CYFIP2: variants seen among roughly 807,000 people sequenced by gnomAD.
CYFIP2 encodes the protein cytoplasmic FMR1-interacting protein 2.
Under a neutral mutation model 158.7 loss-of-function variants are expected in CYFIP2, and 29 were observed. The ratio of observed to expected loss-of-function variants is 0.18; its 90% CI spans 0.14 to 0.25. The LOEUF is 0.25. Among genes scored for constraint, CYFIP2 ranks in the 10% least tolerant of loss-of-function variants. The probability of loss-of-function intolerance (pLI) is 1.00; values close to 1 mark genes in which losing one functional copy is unlikely to be tolerated. For synonymous variants in CYFIP2, 585 were observed against 617.6 expected (o/e 0.95, Z 0.78); for missense variants, 852 against 1,639.5 (o/e 0.52, Z 8.29).
rs1399761182 is a variant in CYFIP2, at chr5:157,285,340, G to T, written c.-22G>T. The T allele has an allele frequency of 1.9e-6, 3 of 1,548,160 alleles. No individual in the cohort carries two copies. The Admixed American group carries it at 5.9e-5, about 30-fold the overall frequency. ...TGACCTTCTCTTCCTTCCCTTCAGTGCAGAATACAGAAACTGCAGCCATGA... is the reference window on the plus strand; with the variant it reads ...TGACCTTCTCTTCCTTCCCTTCAGTTCAGAATACAGAAACTGCAGCCATGA... On this transcript the variant is annotated splice_region_variant and 5_prime_UTR_variant, in exon 2 of 31. Coordinates refer to ENST00000620254, the MANE Select transcript of CYFIP2 (RefSeq NM_001037333.3).
intron 23 of CYFIP2, among the ~76,000 whole-genome samples, chr5:157,346,572 A>T (rs1330947632): frequency 6.6e-6 from 1 of 152,150 alleles, no homozygotes; most frequent in African/African-American, 2.4e-5. Flanking sequence ...GCAAGGAAAC[A>T]TTCTCCCCTA....
chr5:157,309,416 G>A (rs953290507), intron 9 of CYFIP2, among the ~76,000 whole-genome samples: 2 of 152,190 alleles, frequency 1.3e-5, no homozygotes, highest in African/African-American at 4.8e-5. Context: ...GGGAAGATTC[G>A]AGTGGAAAGG....
chr5:157,286,704 C>T (rs140664966), intron 2 of CYFIP2, among the ~76,000 whole-genome samples: 5 of 152,118 alleles, frequency 3.3e-5, no homozygotes, highest in African/African-American at 9.6e-5. Context: ...CTGGAACTGC[C>T]GAATCAAAGC....
chr5:157,353,602 A>C (rs1401702643), intron 23 of CYFIP2, among the ~76,000 whole-genome samples: 1 of 152,222 alleles, frequency 6.6e-6, no homozygotes, highest in African/African-American at 2.4e-5. Context: ...AGAATTGATC[A>C]GTCCTTGGCA....
At chr5:157,332,497 AT>A (rs1485528275) in intron 20 of CYFIP2, among the ~76,000 whole-genome samples, 18 of 152,246 alleles carry the variant, frequency 1.2e-4, no homozygotes, top group African/African-American at 4.3e-4. Context: ...ACGTTGTCTT[AT>A]AAAAACAGAA....
intron 11 of CYFIP2, among the ~76,000 whole-genome samples, chr5:157,312,896 A>T (rs547694545): frequency 1.1e-3 from 170 of 152,204 alleles, no homozygotes; most frequent in Non-Finnish European, 1.9e-3. Context: ...TTTCTTTTTT[A>T]AAAATAGATC....
intron 16 of CYFIP2, 29 bp from the exon 17 acceptor site, chr5:157,325,453 A>G: frequency 6.4e-7 from 1 of 1,571,454 alleles, no homozygotes. Context: ...TCTAAAAGTA[A>G]CCAAAGGCTC....
rs1005995318 is a variant in CYFIP2 at position 157,343,438 on chromosome 5, C to T, written c.2673+2281C>T. The T allele has an allele frequency of 3.7e-6, 6 of 1,613,968 alleles. No homozygotes were observed. In the Admixed American group the frequency reaches 8.3e-5, roughly 22 times the overall value. On this transcript the variant is annotated intron_variant, in intron 23 of 30. Coordinates refer to ENST00000620254, the MANE Select transcript of CYFIP2 (RefSeq NM_001037333.3). ...CAGAGAAGATGCTGTTCCAGTTGGG[C>T]CTGTACATAATATGGTAATAGTCCT...
At position 157,390,502 on chromosome 5, in the gene CYFIP2, T is replaced by A; in HGVS notation, c.3447-19T>A. 1 of 1,424,184 alleles carries A rather than the reference T, an allele frequency of 7.0e-7. No individual in the cohort carries two copies. Among genetic ancestry groups the A allele is most frequent in the East Asian group, 3.1e-5 (1 of 32,592 alleles). 88.2% of individuals were successfully genotyped at this position (1,424,184 alleles called of 1,614,324 possible). A position where few individuals can be genotyped will look rare whatever the true frequency, so the allele number is the denominator to read the frequency against. Reference sequence around the variant, plus strand: ...TCCCCCGACCTCTCACTCCAGCTGCTTCCTCCCCCTGCTCCCAGGCAGTGT... The same window carrying A: ...TCCCCCGACCTCTCACTCCAGCTGCATCCTCCCCCTGCTCCCAGGCAGTGT... On this transcript the variant is annotated intron_variant, in intron 29 of 30. Transcript: ENST00000620254.
In CYFIP2 at chr5:157,323,983, C is replaced by G. The variant is rs1170997431; in HGVS notation, c.1734C>G (p.Thr578=). The change falls in exon 16 of 31, where the codon ACC becomes ACG. Residue 578 remains threonine (T), a synonymous_variant. Coordinates refer to ENST00000620254, the MANE Select transcript of CYFIP2 (RefSeq NM_001037333.3). ...CAGACAAAAGCGGCTCCAAGAAGAC[C>G]CTGAGGAGCAGCCTGGATGGACCCA... is the stretch of plus-strand genomic sequence containing the variant. ...LIADKSGSKK[T]LRSSLDGPIV... 2.5e-6 allele frequency: 4 copies of G among 1,611,414 alleles called. No homozygotes were observed. Among genetic ancestry groups the G allele is most frequent in the Non-Finnish European group, 2.5e-6 (3 of 1,178,798 alleles).
At chr5:157,309,699 A>G (rs984927881) in intron 9 of CYFIP2, 44 bp from the exon 10 acceptor site, 4 of 1,552,368 alleles carry the variant, frequency 2.6e-6, no homozygotes, top group Non-Finnish European at 3.5e-6. Context: ...AGCCACCCCA[A>G]CCCCTCCTCA....
At position 157,330,679 on chromosome 5, in the gene CYFIP2, C is replaced by G. The variant is rs138678971; in HGVS notation, c.2157-63C>G. 265 of 1,238,698 alleles carry G rather than the reference C, an allele frequency of 2.1e-4. No homozygotes were observed. The African/African-American group carries it at 3.3e-3, about 16-fold the overall frequency. The allele number at this position is 1,238,698 out of a possible 1,614,324, so 76.7% of individuals were successfully genotyped here. A position where few individuals can be genotyped will look rare whatever the true frequency, so the allele number is the denominator to read the frequency against. On this transcript the variant is annotated intron_variant, in intron 19 of 30. Transcript: ENST00000620254. The stretch of plus-strand genomic sequence containing the variant: ...ATCCTATGATCTGAAATAGATGTAT[C>G]TGGGCAGTTGAGAGTCATTCACAAT...
intron 21 of CYFIP2, among the ~76,000 whole-genome samples, chr5:157,336,930 G>C (rs1206446602): frequency 6.6e-6 from 1 of 152,234 alleles, no homozygotes; most frequent in Non-Finnish European, 1.5e-5. Context: ...GGGAGAAGTG[G>C]ACCTGTGGTT....
intron 4 of CYFIP2, among the ~76,000 whole-genome samples, chr5:157,295,300 G>A (rs1162847415): frequency 6.6e-6 from 1 of 152,144 alleles, no homozygotes; most frequent in African/African-American, 2.4e-5. Context: ...ATTATTTTGT[G>A]TTTATATTGT....
intron 26 of CYFIP2, among the ~76,000 whole-genome samples, chr5:157,362,298 T>C (rs1763908838): frequency 6.6e-6 from 1 of 152,212 alleles, no homozygotes; most frequent in Non-Finnish European, 1.5e-5. Context: ...TGCAGTTCCC[T>C]CTTATCTGAG....
In CYFIP2 at chr5:157,333,401, C is replaced by A; in HGVS notation, c.2340C>A (p.Asp780Glu). ...RISAAMYKSL[D>E]QAISRFESED... The stretch of plus-strand genomic sequence containing the variant: ...CTGCCGCCATGTATAAATCCTTGGA[C>A]CAAGCTATCAGCCGCTTTGAGAGTG... The change falls in exon 21 of 31, where the codon GAC (aspartate) becomes GAA (glutamate). Residue 780 changes from aspartate to glutamate, a missense_variant. Physicochemically the swap from Asp to Glu is conservative, Grantham distance 45. This residue lies in a region of CYFIP2 where 191 missense variants were observed against 311.2 expected (regional missense o/e 0.61). Coordinates refer to ENST00000620254, the MANE Select transcript of CYFIP2 (RefSeq NM_001037333.3). 6.2e-7 allele frequency: 1 copy of A among 1,613,966 alleles called. No homozygotes were observed. The highest frequency in any genetic ancestry group is 8.5e-7 in the Non-Finnish European group (1 of 1,179,882).
intron 21 of CYFIP2, among the ~76,000 whole-genome samples, chr5:157,334,358 C>T (rs560105334): frequency 1.6e-4 from 25 of 152,222 alleles, no homozygotes; most frequent in Admixed American, 9.2e-4. Flanking sequence ...TGTGAATGTA[C>T]GTAATGCCGC....
intron 4 of CYFIP2, among the ~76,000 whole-genome samples, chr5:157,295,095 A>T (rs565947338): frequency 1.2e-3 from 188 of 152,358 alleles, no homozygotes; most frequent in African/African-American, 4.4e-3. Flanking sequence ...TTTCCAAAGC[A>T]GTATATGGTA....
chr5:157,376,544 G>T (rs1765496408), intron 26 of CYFIP2: 2 of 156,716 alleles, frequency 1.3e-5, no homozygotes, highest in South Asian at 3.7e-4. Context: ...CAAATGCAGA[G>T]AAGTGGCATC....
Sources: gnomAD v4.1 joint callset for allele counts (sites outside exome capture counted in the v4.1 genomes callset) on GRCh38, gnomAD v4.1.1 for gene constraint, gnomAD v4.1.1 regional missense constraint, MANE v1.5 for transcripts, NCBI Gene and HGNC (gene_info 2026-07-23, HGNC 2026-07-21) for gene names.